The following EVI2B variants were observed in gnomAD, a reference collection of about 807,000 sequenced individuals.
The protein encoded by EVI2B is protein EVI2B.
In EVI2B, 4 loss-of-function variants were observed where a neutral mutation model predicts 6.6. The ratio of observed to expected loss-of-function variants is 0.61; its 90% CI spans 0.30 to 1.39. The LOEUF (loss-of-function observed/expected upper bound fraction) is 1.39. Ranked by LOEUF, EVI2B falls within the 40% of genes most tolerant of loss-of-function variation. EVI2B has a pLI of 0.08. For synonymous variants in EVI2B, 181 were observed against 186.8 expected (o/e 0.97, Z 0.25); for missense variants, 484 against 516.6 (o/e 0.94, Z 0.61).
chr17:31,305,645 T>C lies in EVI2B; in HGVS notation c.-21-15A>G, dbSNP rs1268611847. ...TTCCTCGTTATCTATAGCGGGTTTA[T>C]AATGAAAGAGAAAGACAGTTAGGCG... On this transcript the variant is annotated splice_polypyrimidine_tract_variant and intron_variant, in intron 1 of 1. Transcript: ENST00000330927. The C allele has an allele frequency of 5.1e-6, 8 of 1,573,760 alleles. No homozygotes were observed. Among genetic ancestry groups the C allele is most frequent in the Admixed American group, 1.9e-5 (1 of 53,740 alleles).
At chr17:31,310,332 AAAG>A (rs1467762259) in intron 1 of EVI2B, among the ~76,000 whole-genome samples, 4 of 152,148 alleles carry the variant, frequency 2.6e-5, no homozygotes, top group African/African-American at 9.7e-5. Flanking sequence ...AAGATACAGA[AAAG>A]AAGAAAAGTT....
In EVI2B at chr17:31,304,899, A is replaced by G. The variant is rs534001307; in HGVS notation, c.711T>C (p.Asn237=). ...CLRKPVLNDQ[N]WAGRSPFADG... ...CAGCAAATGGAGATCTACCTGCCCAATTTTGATCATTTAAAACTGGTTTCC... is the reference window on the plus strand; with the variant it reads ...CAGCAAATGGAGATCTACCTGCCCAGTTTTGATCATTTAAAACTGGTTTCC... The change falls in exon 2 of 2, where the codon AAT becomes AAC. Residue 237 remains asparagine, a synonymous_variant. Coordinates refer to ENST00000330927, the MANE Select transcript of EVI2B (RefSeq NM_006495.4). The G allele has an allele frequency of 4.3e-6, 7 of 1,614,150 alleles. No individual in the cohort carries two copies. The highest frequency in any genetic ancestry group is 1.1e-5 in the South Asian group (1 of 91,090).
At chr17:31,310,637 C>CT (rs201038932) in intron 1 of EVI2B, among the ~76,000 whole-genome samples, 4 of 151,144 alleles carry the variant, frequency 2.6e-5, no homozygotes, top group East Asian at 1.9e-4. Context: ...CATCCTCTCC[C>CT]TTTTTTTTTC....
intron 1 of EVI2B, among the ~76,000 whole-genome samples, chr17:31,312,638 T>C (rs763964661): frequency 6.6e-6 from 1 of 152,114 alleles, no homozygotes; most frequent in African/African-American, 2.4e-5. Flanking sequence ...TTTATGACTT[T>C]ATGCATAATG....
chr17:31,305,272 G>A lies in EVI2B; in HGVS notation c.338C>T (p.Ala113Val), dbSNP rs781384375. Residue 113 changes from alanine (A) to valine (V), a missense_variant, in exon 2 of 2, where the codon GCC becomes GTC. Ala to Val is a moderately conservative substitution (Grantham distance 64). Coordinates refer to ENST00000330927, the MANE Select transcript of EVI2B (RefSeq NM_006495.4). The stretch of plus-strand genomic sequence containing the variant: ...CACGGCTTGCTGGGAGGAGGTGTTG[G>A]CTATTGGTGTTGGTTGTTTGGTGTT... ...AYNTKQPTPIANTSSQQAVFT... is the reference protein window; with the variant it reads ...AYNTKQPTPIVNTSSQQAVFT... The A allele has an allele frequency of 3.3e-5, 54 of 1,614,042 alleles. 1 individual carries two copies. In the South Asian group the frequency reaches 5.8e-4, roughly 17 times the overall value.
chr17:31,307,964 T>C, intron 1 of EVI2B: 1 of 1,261,956 alleles, frequency 7.9e-7, no homozygotes, highest in Non-Finnish European at 1.0e-6. Flanking sequence ...ATGGCCCTGT[T>C]TTAGTAGAAG....
intron 1 of EVI2B, 83 bp from the exon 2 acceptor site, chr17:31,305,713 C>G (rs919474444): frequency 3.3e-6 from 4 of 1,198,376 alleles, no homozygotes; most frequent in East Asian, 4.9e-5. Flanking sequence ...ATTATGATTC[C>G]TGGCATAAAG....
At chr17:31,306,815 A>T (rs1196192547) in intron 1 of EVI2B, among the ~76,000 whole-genome samples, 2 of 151,432 alleles carry the variant, frequency 1.3e-5, no homozygotes, top group Non-Finnish European at 2.9e-5. Flanking sequence ...AAAAAAAAAG[A>T]TAGTCACTGC....
chr17:31,312,307 G>C (rs4638642), intron 1 of EVI2B, among the ~76,000 whole-genome samples: 75,976 of 151,600 alleles, frequency 0.5, 20,841 homozygotes, highest in Non-Finnish European at 0.62. Context: ...GTCAGGAGTT[G>C]AAGACCAGCC....
chr17:31,304,880 A>G lies in EVI2B; in HGVS notation c.730T>C (p.Phe244Leu), dbSNP rs2068667605. Residue 244 changes from phenylalanine to leucine, a missense_variant, in exon 2 of 2, where the codon TTT becomes CTT. Coordinates refer to ENST00000330927, the MANE Select transcript of EVI2B (RefSeq NM_006495.4). ...ATGTCAGGGGTTTCTCCATCAGCAA[A>G]TGGAGATCTACCTGCCCAATTTTGA... ...NDQNWAGRSPFADGETPDICM... is the reference protein window; with the variant it reads ...NDQNWAGRSPLADGETPDICM... The G allele has an allele frequency of 1.2e-6, 2 of 1,613,984 alleles. No individual in the cohort carries two copies. The highest frequency in any genetic ancestry group is 2.2e-5 in the East Asian group (1 of 44,880).
At position 31,305,761 on chromosome 17, in the gene EVI2B, G is replaced by T; in HGVS notation, c.-21-131C>A. ...ATTCCTAATTAGTAGTAGTTGATTA[G>T]TAGTTATTATTCCTAATTTAGACTT... On this transcript the variant is annotated intron_variant, in intron 1 of 1. Transcript: ENST00000330927. 6 of 764,322 alleles carry T rather than the reference G, an allele frequency of 7.9e-6. No individual in the cohort carries two copies. The East Asian group carries it at 1.3e-4, about 17-fold the overall frequency. The allele number at this position is 764,322 out of a possible 1,614,324, so 47.3% of individuals were successfully genotyped here. A position where few individuals can be genotyped will look rare whatever the true frequency, so the allele number is the denominator to read the frequency against.
chr17:31,306,065 C>G (rs1054537036), intron 1 of EVI2B, among the ~76,000 whole-genome samples: 21 of 152,158 alleles, frequency 1.4e-4, no homozygotes, highest in Non-Finnish European at 7.4e-5. Flanking sequence ...CAGTGATCAT[C>G]TGTTACCTAA....
Position 31,304,227 on chromosome 17 carries a change from A to G in EVI2B, c.*36T>C. The G allele has an allele frequency of 6.5e-7, 1 of 1,534,082 alleles. No homozygotes were observed. ...CATATAAAGAAAAAAGAGTCATTTGAGGATGGAAGATCAGCTAAAAAGCAA... is the reference window on the plus strand; with the variant it reads ...CATATAAAGAAAAAAGAGTCATTTGGGGATGGAAGATCAGCTAAAAAGCAA... On this transcript the variant is annotated 3_prime_UTR_variant, in exon 2 of 2. Transcript: ENST00000330927.
Position 31,305,096 on chromosome 17 carries a change from A to G in EVI2B, c.514T>C (p.Ser172Pro). 6.2e-7 allele frequency: 1 copy of G among 1,614,106 alleles called. No individual in the cohort carries two copies. The highest frequency in any genetic ancestry group is 8.5e-7 in the Non-Finnish European group (1 of 1,180,028). ...CTCCTAGGTGAATTTTTGACAGTTGATGTTGGTTGTGTGGATGGATTATGA... is the reference window on the plus strand; with the variant it reads ...CTCCTAGGTGAATTTTTGACAGTTGGTGTTGGTTGTGTGGATGGATTATGA... ...TVHNPSTQPTSTVKNSPRSTP... is the reference protein window; with the variant it reads ...TVHNPSTQPTPTVKNSPRSTP... The change falls in exon 2 of 2, where the codon TCA becomes CCA. Residue 172 changes from serine (S) to proline (P), a missense_variant. Physicochemically the swap from Ser to Pro is moderately conservative, Grantham distance 74. Transcript: ENST00000330927.
chr17:31,313,751 TGTGTGTGA>T (rs1405000345), intron 1 of EVI2B, among the ~76,000 whole-genome samples: 6 of 121,470 alleles, frequency 4.9e-5, no homozygotes, highest in Non-Finnish European at 1.1e-4. Flanking sequence ...TGTGTGTGTG[TGTGTGTGA>T]GATTAAATAA....
Position 31,304,145 on chromosome 17 carries a change from G to T in EVI2B, c.*118C>A, listed in dbSNP as rs1232195598. On this transcript the variant is annotated 3_prime_UTR_variant, in exon 2 of 2. Coordinates refer to ENST00000330927, the MANE Select transcript of EVI2B (RefSeq NM_006495.4). ...GCACATAGGCTCTGAGCAGATTTCA[G>T]ATAGTTCCTGAATAAAAATCAAAAT... The T allele has an allele frequency of 8.5e-6, 9 of 1,052,880 alleles. No homozygotes were observed. Among genetic ancestry groups the T allele is most frequent in the Admixed American group, 2.7e-5 (1 of 37,134 alleles). The allele number at this position is 1,052,880 out of a possible 1,614,324, so 65.2% of individuals were successfully genotyped here.
At chr17:31,308,740 C>A (rs1945357865) in intron 1 of EVI2B, among the ~76,000 whole-genome samples, 1 of 152,028 alleles carries the variant, frequency 6.6e-6, no homozygotes, top group African/African-American at 2.4e-5. Context: ...CCTTCTTAAC[C>A]CAAGTTCTCT....
chr17:31,304,624 G>A lies in EVI2B; in HGVS notation c.986C>T (p.Ala329Val). 6.2e-7 allele frequency: 1 copy of A among 1,614,152 alleles called. No homozygotes were observed. Among genetic ancestry groups the A allele is most frequent in the Non-Finnish European group, 8.5e-7 (1 of 1,180,002 alleles). The change falls in exon 2 of 2, where the codon GCT becomes GTT. Residue 329 changes from alanine (A) to valine (V), a missense_variant. Transcript: ENST00000330927. ...DSADGSTVGT[A>V]VSSSDDADLP... is the part of the protein sequence containing the mutation. ...ATCTGCATCATCTGAAGAAGAAACAGCAGTTCCAACTGTTGAACCATCAGC... is the reference window on the plus strand; with the variant it reads ...ATCTGCATCATCTGAAGAAGAAACAACAGTTCCAACTGTTGAACCATCAGC...
chr17:31,305,614 G>C lies in EVI2B; in HGVS notation c.-5C>G. The C allele has an allele frequency of 3.7e-6, 6 of 1,608,770 alleles. No individual in the cohort carries two copies. The highest frequency in any genetic ancestry group is 5.1e-6 in the Non-Finnish European group (6 of 1,176,954). On this transcript the variant is annotated 5_prime_UTR_variant, in exon 2 of 2. Transcript: ENST00000330927. ...GATGAAATATTTGGGATCCATTTCAGAATATTTCCTCGTTATCTATAGCGG... is the reference window on the plus strand; with the variant it reads ...GATGAAATATTTGGGATCCATTTCACAATATTTCCTCGTTATCTATAGCGG...
Sources: gnomAD v4.1 joint callset for allele counts (sites outside exome capture counted in the v4.1 genomes callset) on GRCh38, gnomAD v4.1.1 for gene constraint, MANE v1.5 for transcripts, NCBI Gene and HGNC (gene_info 2026-07-23, HGNC 2026-07-21) for gene names.